The following KPNA3 variants were observed in gnomAD, a reference collection of about 807,000 sequenced individuals.
KPNA3 encodes importin subunit alpha-4.
A neutral mutation model predicts 73.8 loss-of-function variants in KPNA3; 13 were observed. The observed-to-expected ratio is 0.18, with a 90% CI of 0.11 to 0.28. The LOEUF (loss-of-function observed/expected upper bound fraction) is 0.28. KPNA3 is among the 10% of genes least tolerant of loss of function. The pLI is 1.00. For synonymous variants in KPNA3, 186 were observed against 206.9 expected (o/e 0.90, Z 0.87); for missense variants, 360 against 618.1 (o/e 0.58, Z 4.43).
intron 1 of KPNA3, among the ~76,000 whole-genome samples, chr13:49,772,330 G>T (rs566019561): frequency 6.6e-6 from 1 of 152,162 alleles, no homozygotes; most frequent in Non-Finnish European, 1.5e-5. Context: ...TTCATCAAGA[G>T]AATGTGAAGA....
At chr13:49,762,095 CCGGGAGGGAGG>C (rs879710473) in intron 1 of KPNA3, among the ~76,000 whole-genome samples, 17,620 of 145,700 alleles carry the variant, frequency 0.12, 2,106 homozygotes, top group East Asian at 0.58. Flanking sequence ...GACGCCCCAT[CCGGGAGGGAGG>C]TGGGGGGCAG....
At chr13:49,751,064 A>T (rs1424130365) in intron 1 of KPNA3, among the ~76,000 whole-genome samples, 5 of 152,224 alleles carry the variant, frequency 3.3e-5, no homozygotes, top group African/African-American at 7.2e-5. Context: ...ATATAATCAG[A>T]GGGACAGAAA....
intron 1 of KPNA3, among the ~76,000 whole-genome samples, chr13:49,779,839 C>T (rs1346671306): frequency 6.6e-6 from 1 of 152,118 alleles, no homozygotes; most frequent in Non-Finnish European, 1.5e-5. Context: ...CTCACTGGCC[C>T]CCAAAGAGCA....
chr13:49,748,278 A>G (rs1954635181), intron 1 of KPNA3, among the ~76,000 whole-genome samples: 2 of 152,290 alleles, frequency 1.3e-5, no homozygotes, highest in South Asian at 4.1e-4. Flanking sequence ...GAAAATAAAA[A>G]TAAGTTTGAG....
intron 1 of KPNA3, among the ~76,000 whole-genome samples, chr13:49,751,970 C>T (rs1342303796): frequency 6.6e-6 from 1 of 152,108 alleles, no homozygotes; most frequent in African/African-American, 2.4e-5. Flanking sequence ...TTCTCAAATA[C>T]AAGCAGGGTC....
chr13:49,717,793 A>T (rs913479065), intron 10 of KPNA3, among the ~76,000 whole-genome samples: 7 of 152,236 alleles, frequency 4.6e-5, no homozygotes, highest in African/African-American at 1.7e-4. Context: ...GTAACTATGA[A>T]CACTATAATC....
intron 7 of KPNA3, among the ~76,000 whole-genome samples, chr13:49,724,097 G>T (rs939942529): frequency 1.3e-5 from 2 of 152,058 alleles, no homozygotes; most frequent in East Asian, 1.9e-4. Flanking sequence ...CATCCATGTG[G>T]TAACAGGTAT....
intron 2 of KPNA3, among the ~76,000 whole-genome samples, chr13:49,734,550 T>C (rs918691177): frequency 5.3e-5 from 8 of 152,148 alleles, no homozygotes; most frequent in African/African-American, 9.7e-5. Flanking sequence ...GAAAGGAATG[T>C]AGTGTTATTT....
Position 49,740,506 on chromosome 13 carries a change from GTGAA to G in KPNA3, c.114+6439_114+6442del, listed in dbSNP as rs1954563903. Among the ~76,000 whole-genome samples the G allele has an allele frequency of 2.0e-5, 3 of 152,240 alleles. No individual in the cohort carries two copies. The South Asian group carries it at 6.2e-4, about 32-fold the overall frequency. On this transcript the variant is annotated intron_variant, in intron 2 of 16. Transcript: ENST00000261667. ...TCTTTCCTGCGCTGTTCTCATGATA[GTGAA>G]TGAGTGTCACAAGATCTGATGGCTT...
At chr13:49,753,963 GAC>G (rs1328173291) in intron 1 of KPNA3, among the ~76,000 whole-genome samples, 4 of 152,204 alleles carry the variant, frequency 2.6e-5, no homozygotes, top group African/African-American at 9.6e-5. Context: ...TGACAATGTA[GAC>G]ACAAAATTGA....
chr13:49,789,673 T>C (rs1334678582), intron 1 of KPNA3, among the ~76,000 whole-genome samples: 1 of 152,246 alleles, frequency 6.6e-6, no homozygotes, highest in African/African-American at 2.4e-5. Flanking sequence ...TGGACAAGAC[T>C]AAGCATGGTT....
At chr13:49,710,451 T>A (rs150571685) in intron 11 of KPNA3, among the ~76,000 whole-genome samples, 1 of 152,314 alleles carries the variant, frequency 6.6e-6, no homozygotes, top group East Asian at 1.9e-4. Context: ...GAACTAAATC[T>A]GTTGTTCTAG....
chr13:49,752,606 A>T (rs1954672736), intron 1 of KPNA3, among the ~76,000 whole-genome samples: 1 of 152,212 alleles, frequency 6.6e-6, no homozygotes, highest in Admixed American at 6.5e-5. Flanking sequence ...AAGAATTAGA[A>T]ATAAAGCAAA....
In KPNA3 at chr13:49,700,983, T is replaced by C. The variant is rs1954141750; in HGVS notation, c.*817A>G. 6.6e-6 allele frequency: 1 copy of C among 152,650 alleles called. No individual in the cohort carries two copies. The highest frequency in any genetic ancestry group is 1.9e-4 in the East Asian group (1 of 5,208). 9.5% of individuals were successfully genotyped at this position (152,650 alleles called of 1,614,324 possible). On this transcript the variant is annotated 3_prime_UTR_variant, in exon 17 of 17. Coordinates refer to ENST00000261667, the MANE Select transcript of KPNA3 (RefSeq NM_002267.4). ...CAACTTAAACAGAAGTTCAAGTCCA[T>C]AACAGGTTGCAGCTCAGGTAAAATA...
At chr13:49,769,713 G>A (rs1954837843) in intron 1 of KPNA3, among the ~76,000 whole-genome samples, 1 of 152,198 alleles carries the variant, frequency 6.6e-6, no homozygotes, top group South Asian at 2.1e-4. Flanking sequence ...TCCACTTTGG[G>A]GATATTATGA....
intron 1 of KPNA3, among the ~76,000 whole-genome samples, chr13:49,768,039 G>T (rs766809854): frequency 1.3e-5 from 2 of 152,002 alleles, no homozygotes; most frequent in African/African-American, 2.4e-5. Context: ...CAGCACTTTG[G>T]GAGGCCAAAG....
chr13:49,779,023 T>C (rs1954920475), intron 1 of KPNA3, among the ~76,000 whole-genome samples: 1 of 152,202 alleles, frequency 6.6e-6, no homozygotes, highest in Non-Finnish European at 1.5e-5. Context: ...ATTCATTATT[T>C]TTCTACGCCT....
intron 1 of KPNA3, among the ~76,000 whole-genome samples, chr13:49,765,937 T>C (rs1380085387): frequency 6.6e-6 from 1 of 152,196 alleles, no homozygotes; most frequent in South Asian, 2.1e-4. Context: ...ATCTCTCTCC[T>C]GAACTAAAGT....
rs891901054 is a variant in KPNA3, at chr13:49,758,902, T to C, written c.70-11909A>G. Among the ~76,000 whole-genome samples the C allele has an allele frequency of 2.3e-4, 35 of 152,138 alleles. 1 individual carries two copies. The highest frequency in any genetic ancestry group is 7.7e-4 in the African/African-American group (32 of 41,508). ...ATCAGTGAGTGCATAGACAATACTCTCAAAAATACCACCAATAGCAAACAG... is the reference window on the plus strand; with the variant it reads ...ATCAGTGAGTGCATAGACAATACTCCCAAAAATACCACCAATAGCAAACAG... On this transcript the variant is annotated intron_variant, in intron 1 of 16. Coordinates refer to ENST00000261667, the MANE Select transcript of KPNA3 (RefSeq NM_002267.4).
Sources: gnomAD v4.1 joint callset for allele counts (sites outside exome capture counted in the v4.1 genomes callset) on GRCh38, gnomAD v4.1.1 for gene constraint, MANE v1.5 for transcripts, NCBI Gene and HGNC (gene_info 2026-07-23, HGNC 2026-07-21) for gene names.